SLC25A21: variants seen among roughly 807,000 people sequenced by gnomAD.
The protein encoded by SLC25A21 is mitochondrial 2-oxodicarboxylate carrier.
Under a neutral mutation model 43.8 loss-of-function variants are expected in SLC25A21, and 47 were observed. The ratio of observed to expected loss-of-function variants is 1.07; its 90% CI spans 0.85 to 1.37. The LOEUF (loss-of-function observed/expected upper bound fraction) is 1.37. Ranked by LOEUF, SLC25A21 falls within the 40% of genes most tolerant of loss-of-function variation. The probability of loss-of-function intolerance (pLI) is 0.00; values close to 1 mark genes in which losing one functional copy is unlikely to be tolerated. For synonymous variants in SLC25A21, 131 were observed against 121.3 expected, an observed-to-expected ratio of 1.08 and a Z score of -0.52; for missense variants, 352 against 350.2, an observed-to-expected ratio of 1.00 and a Z score of -0.04.
chr14:36,783,259 G>A (rs1887137264), intron 3 of SLC25A21, among the ~76,000 whole-genome samples: 1 of 151,966 alleles, frequency 6.6e-6, no homozygotes, highest in African/African-American at 2.4e-5. Flanking sequence ...CTACAGGGTT[G>A]GGGTGGGGAG....
chr14:36,896,092 C>T (rs1322080189), intron 1 of SLC25A21, among the ~76,000 whole-genome samples: 1 of 152,232 alleles, frequency 6.6e-6, no homozygotes, highest in East Asian at 1.9e-4. Flanking sequence ...TCCTGGATAT[C>T]CTCGTTAACT....
At chr14:36,694,728 T>G (rs1882942550) in intron 7 of SLC25A21, among the ~76,000 whole-genome samples, 1 of 152,240 alleles carries the variant, frequency 6.6e-6, no homozygotes, top group African/African-American at 2.4e-5. Flanking sequence ...AGTGTCTAAT[T>G]CATATCCTTT....
intron 2 of SLC25A21, among the ~76,000 whole-genome samples, chr14:36,840,993 A>G (rs1459591409): frequency 6.6e-6 from 1 of 152,258 alleles, no homozygotes; most frequent in African/African-American, 2.4e-5. Flanking sequence ...TATGTCTGCC[A>G]TAAATCAGGC....
At chr14:36,896,763 G>A (rs761680714) in intron 1 of SLC25A21, among the ~76,000 whole-genome samples, 1 of 152,130 alleles carries the variant, frequency 6.6e-6, no homozygotes, top group Non-Finnish European at 1.5e-5. Flanking sequence ...GCATTTGCTT[G>A]TCTGTAAAGT....
intron 1 of SLC25A21, among the ~76,000 whole-genome samples, chr14:36,885,303 T>C (rs749837664): frequency 1.3e-4 from 20 of 152,188 alleles, no homozygotes; most frequent in Admixed American, 1.2e-3. Flanking sequence ...AGGTTCTCTA[T>C]TCTGTTCCAT....
intron 6 of SLC25A21, among the ~76,000 whole-genome samples, chr14:36,723,233 C>A (rs1884447161): frequency 6.6e-6 from 1 of 152,178 alleles, no homozygotes; most frequent in African/African-American, 2.4e-5. Flanking sequence ...CTACAATAGT[C>A]ACAATCCCAT....
intron 1 of SLC25A21, among the ~76,000 whole-genome samples, chr14:37,109,969 C>G (rs75051103): frequency 0.057 from 8,599 of 152,116 alleles, 822 homozygotes; most frequent in African/African-American, 0.2. Flanking sequence ...CTTAAATGTA[C>G]ATAATGAATG....
chr14:37,073,957 T>C (rs1351850486), intron 1 of SLC25A21, among the ~76,000 whole-genome samples: 1 of 146,190 alleles, frequency 6.8e-6, no homozygotes, highest in Non-Finnish European at 1.5e-5. Flanking sequence ...TTTGTGCATC[T>C]GAGAAAAAAC....
At chr14:36,873,454 C>A (rs1181118893) in intron 2 of SLC25A21, among the ~76,000 whole-genome samples, 1 of 151,986 alleles carries the variant, frequency 6.6e-6, no homozygotes, top group Non-Finnish European at 1.5e-5. Context: ...TGCCACCATG[C>A]CCGGTTAATT....
intron 1 of SLC25A21, among the ~76,000 whole-genome samples, chr14:37,169,905 C>CTATTTT (rs763992878): frequency 3.3e-5 from 5 of 152,046 alleles, no homozygotes; most frequent in Non-Finnish European, 5.9e-5. Context: ...ATCAACTATG[C>CTATTTT]TATTTTTTAT....
At chr14:36,859,099 G>A (rs1045748886) in intron 2 of SLC25A21, among the ~76,000 whole-genome samples, 2 of 152,062 alleles carry the variant, frequency 1.3e-5, no homozygotes, top group Admixed American at 1.3e-4. Flanking sequence ...TATTACTTAT[G>A]AAGTTAAGCA....
intron 6 of SLC25A21, among the ~76,000 whole-genome samples, chr14:36,713,445 C>T (rs2139192254): frequency 6.6e-6 from 1 of 152,010 alleles, no homozygotes; most frequent in Middle Eastern, 3.4e-3. Flanking sequence ...GGCTTGGGTG[C>T]TGTGTGTGTA....
At chr14:36,988,987 T>C (rs973100599) in intron 1 of SLC25A21, among the ~76,000 whole-genome samples, 8 of 152,254 alleles carry the variant, frequency 5.3e-5, no homozygotes, top group African/African-American at 1.9e-4. Flanking sequence ...ACAAATCTCT[T>C]AGAAAGCAAA....
intron 2 of SLC25A21, among the ~76,000 whole-genome samples, chr14:36,844,829 T>A (rs1889492996): frequency 6.6e-6 from 1 of 152,232 alleles, no homozygotes; most frequent in African/African-American, 2.4e-5. Flanking sequence ...TCATTTTTAA[T>A]CATGAGCCTG....
chr14:36,772,032 C>T (rs749969532), intron 3 of SLC25A21, among the ~76,000 whole-genome samples: 5 of 152,056 alleles, frequency 3.3e-5, no homozygotes, highest in Non-Finnish European at 5.9e-5. Context: ...TTGGGGCCAA[C>T]GAACAGGAAA....
chr14:36,754,178 T>C (rs141758869), intron 3 of SLC25A21, among the ~76,000 whole-genome samples: 9 of 152,182 alleles, frequency 5.9e-5, no homozygotes, highest in African/African-American at 1.4e-4. Flanking sequence ...AGTCAGGAGA[T>C]GGAATAAAGC....
chr14:36,750,122 GA>G (rs1284588585), intron 3 of SLC25A21, among the ~76,000 whole-genome samples: 8 of 152,306 alleles, frequency 5.3e-5, no homozygotes, highest in African/African-American at 1.9e-4. Context: ...CACTGACGCA[GA>G]ATGTTGGTGT....
intron 1 of SLC25A21, among the ~76,000 whole-genome samples, chr14:36,969,975 T>A (rs1959713136): frequency 6.6e-6 from 1 of 152,142 alleles, no homozygotes; most frequent in Admixed American, 6.6e-5. Flanking sequence ...GATTCCATTG[T>A]CTCTGACTAT....
At chr14:36,859,928 C>T (rs1451769929) in intron 2 of SLC25A21, among the ~76,000 whole-genome samples, 1 of 152,070 alleles carries the variant, frequency 6.6e-6, no homozygotes, top group Non-Finnish European at 1.5e-5. Flanking sequence ...ATCATTCATT[C>T]ACCAAGTGTT....
Sources: gnomAD v4.1 joint callset for allele counts (sites outside exome capture counted in the v4.1 genomes callset) on GRCh38, gnomAD v4.1.1 for gene constraint, MANE v1.5 for transcripts, NCBI Gene and HGNC (gene_info 2026-07-23, HGNC 2026-07-21) for gene names.